The following TRIM44 variants were observed in gnomAD, a reference collection of about 807,000 sequenced individuals.
TRIM44 encodes tripartite motif-containing protein 44.
TRIM44 carries 13 observed loss-of-function variants against 37.4 expected under a neutral mutation model. That is an observed-to-expected ratio of 0.35 (90% CI 0.23 to 0.55). The LOEUF is 0.55. TRIM44 is among the 20% of genes least tolerant of loss of function. The probability of loss-of-function intolerance (pLI) is 0.89; values close to 1 mark genes in which losing one functional copy is unlikely to be tolerated. For synonymous variants in TRIM44, 175 were observed against 157.2 expected, an observed-to-expected ratio of 1.11 and a Z score of -0.85; for missense variants, 426 against 437.2, an observed-to-expected ratio of 0.97 and a Z score of 0.23.
chr11:35,697,379 C>G (rs990611174), intron 2 of TRIM44, among the ~76,000 whole-genome samples: 1 of 150,842 alleles, frequency 6.6e-6, no homozygotes, highest in African/African-American at 2.4e-5. Context: ...CATGTCCCTA[C>G]AAAGGACATA....
At chr11:35,761,139 G>C (rs957070419) in intron 4 of TRIM44, among the ~76,000 whole-genome samples, 2 of 151,896 alleles carry the variant, frequency 1.3e-5, no homozygotes, top group African/African-American at 2.4e-5. Context: ...TTTTTTTATG[G>C]CCAACTAGTA....
At chr11:35,671,586 G>A (rs974498072) in intron 1 of TRIM44, among the ~76,000 whole-genome samples, 8 of 152,196 alleles carry the variant, frequency 5.3e-5, no homozygotes, top group Non-Finnish European at 1.0e-4. Flanking sequence ...ATTGGCAATA[G>A]AAGGCCAAGT....
chr11:35,783,790 C>T (rs537657185), intron 4 of TRIM44, among the ~76,000 whole-genome samples: 45 of 152,158 alleles, frequency 3.0e-4, no homozygotes, highest in Non-Finnish European at 4.6e-4. Flanking sequence ...ATCAGTGAAC[C>T]TGTGCAAGCA....
At chr11:35,772,636 C>T (rs924751168) in intron 4 of TRIM44, among the ~76,000 whole-genome samples, 8 of 152,186 alleles carry the variant, frequency 5.3e-5, no homozygotes, top group South Asian at 2.1e-4. Context: ...GCTGGTAGCC[C>T]CTTTGTTTTG....
In TRIM44 at chr11:35,813,157, T is replaced by G. The variant is rs752640167; in HGVS notation, c.*6772T>G. 6.6e-6 allele frequency: 1 copy of G among 152,190 alleles called. No individual in the cohort carries two copies. Among genetic ancestry groups the G allele is most frequent in the African/African-American group, 2.4e-5 (1 of 41,450 alleles). The allele number at this position is 152,190 out of a possible 1,614,324, so 9.4% of individuals were successfully genotyped here. ...CGGCCACAGCATACCATTTGCCTTATAAAAATGGCCCACAACCTTCACAAT... is the reference window on the plus strand; with the variant it reads ...CGGCCACAGCATACCATTTGCCTTAGAAAAATGGCCCACAACCTTCACAAT... On this transcript the variant is annotated 3_prime_UTR_variant, in exon 5 of 5. Transcript: ENST00000299413.
intron 2 of TRIM44, among the ~76,000 whole-genome samples, chr11:35,717,005 G>A (rs1013785672): frequency 2.0e-5 from 3 of 152,170 alleles, no homozygotes; most frequent in African/African-American, 7.2e-5. Context: ...CTGAAAAAAG[G>A]TAGCAGTGAT....
At chr11:35,696,009 G>A (rs1469440443) in intron 2 of TRIM44, among the ~76,000 whole-genome samples, 6 of 151,638 alleles carry the variant, frequency 4.0e-5, no homozygotes, top group Non-Finnish European at 5.9e-5. Flanking sequence ...GAAAGAAAAG[G>A]CAATTTTGAA....
At chr11:35,779,454 G>A (rs979287612) in intron 4 of TRIM44, among the ~76,000 whole-genome samples, 10 of 152,104 alleles carry the variant, frequency 6.6e-5, no homozygotes, top group East Asian at 3.9e-4. Context: ...CCCACTGTCC[G>A]ACAAGCCCCA....
At chr11:35,761,969 C>T (rs913882738) in intron 4 of TRIM44, among the ~76,000 whole-genome samples, 6 of 152,160 alleles carry the variant, frequency 3.9e-5, no homozygotes, top group African/African-American at 1.4e-4. Flanking sequence ...CAGAAGAGCA[C>T]CTGGAGAGAT....
rs1378067259 is a variant in TRIM44 at position 35,816,475 on chromosome 11, T to C, written c.*10090T>C. ...TATAAACACAACTGGCATCAGATAATACAATGTAATTGATTTTATGTGTGT... is the reference window on the plus strand; with the variant it reads ...TATAAACACAACTGGCATCAGATAACACAATGTAATTGATTTTATGTGTGT... On this transcript the variant is annotated 3_prime_UTR_variant, in exon 5 of 5. Transcript: ENST00000299413. 6.6e-6 allele frequency: 1 copy of C among 152,206 alleles called. No individual in the cohort carries two copies. Among genetic ancestry groups the C allele is most frequent in the African/African-American group, 2.4e-5 (1 of 41,446 alleles). 9.4% of individuals were successfully genotyped at this position (152,206 alleles called of 1,614,324 possible). A position where few individuals can be genotyped will look rare whatever the true frequency, so the allele number is the denominator to read the frequency against.
At chr11:35,700,960 C>T (rs911299107) in intron 2 of TRIM44, among the ~76,000 whole-genome samples, 4 of 152,138 alleles carry the variant, frequency 2.6e-5, no homozygotes, top group South Asian at 2.1e-4. Flanking sequence ...ACACACGATA[C>T]ATGTATAACT....
At position 35,816,696 on chromosome 11, in the gene TRIM44, T is replaced by G. The variant is rs1372439287; in HGVS notation, c.*10311T>G. 7 of 152,328 alleles carry G rather than the reference T, an allele frequency of 4.6e-5. No individual in the cohort carries two copies. The highest frequency in any genetic ancestry group is 1.3e-4 in the Admixed American group (2 of 15,296). The allele number at this position is 152,328 out of a possible 1,614,324, so 9.4% of individuals were successfully genotyped here. A position where few individuals can be genotyped will look rare whatever the true frequency, so the allele number is the denominator to read the frequency against. On this transcript the variant is annotated 3_prime_UTR_variant, in exon 5 of 5. Transcript: ENST00000299413. ...AATGGGACAAGCTTGCTCCTGATAC[T>G]AGGTTTTAGAAGCATACAGACTTGG...
At chr11:35,755,132 G>T (rs1852617595) in intron 4 of TRIM44, among the ~76,000 whole-genome samples, 1 of 152,198 alleles carries the variant, frequency 6.6e-6, no homozygotes, top group Non-Finnish European at 1.5e-5. Context: ...CAGTGTAAAA[G>T]TGTTCCTATT....
chr11:35,665,303 T>G (rs1020228866), intron 1 of TRIM44, among the ~76,000 whole-genome samples: 5 of 152,194 alleles, frequency 3.3e-5, no homozygotes, highest in Non-Finnish European at 5.9e-5. Flanking sequence ...TACTACATGT[T>G]GCCAACTATT....
At chr11:35,735,533 C>G in intron 4 of TRIM44, 88 bp downstream of exon 4, 2 of 1,304,982 alleles carry the variant, frequency 1.5e-6, no homozygotes, top group Non-Finnish European at 2.2e-6. Context: ...TATAGACAGC[C>G]AAGGAACAGC....
At chr11:35,664,213 C>A (rs1851308447) in intron 1 of TRIM44, among the ~76,000 whole-genome samples, 1 of 152,190 alleles carries the variant, frequency 6.6e-6, no homozygotes, top group South Asian at 2.1e-4. Flanking sequence ...AGTGATACGT[C>A]TGCATTGAAA....
chr11:35,722,324 C>G (rs1481475618), intron 2 of TRIM44, among the ~76,000 whole-genome samples: 1 of 152,110 alleles, frequency 6.6e-6, no homozygotes, highest in Non-Finnish European at 1.5e-5. Flanking sequence ...AGGACTGTTA[C>G]CAAATAGGGG....
intron 4 of TRIM44, among the ~76,000 whole-genome samples, chr11:35,800,061 T>C (rs982130541): frequency 2.9e-4 from 2 of 6,844 alleles, no homozygotes; most frequent in African/African-American, 3.9e-4. Flanking sequence ...GTTCTTGATC[T>C]CGCTGACTTT....
chr11:35,805,657 A>G (rs1034153526), intron 4 of TRIM44, among the ~76,000 whole-genome samples: 7 of 152,200 alleles, frequency 4.6e-5, no homozygotes, highest in Admixed American at 2.6e-4. Context: ...GAGCACCTCT[A>G]TGTGCCCAGC....
Sources: gnomAD v4.1 joint callset for allele counts (sites outside exome capture counted in the v4.1 genomes callset) on GRCh38, gnomAD v4.1.1 for gene constraint, MANE v1.5 for transcripts, NCBI Gene and HGNC (gene_info 2026-07-23, HGNC 2026-07-21) for gene names.